The following DIP2B variants were observed in gnomAD, a reference collection of about 807,000 sequenced individuals.
The protein encoded by DIP2B is disco-interacting protein 2 homolog B.
Under a neutral mutation model 198.0 loss-of-function variants are expected in DIP2B, and 76 were observed. That is an observed-to-expected ratio of 0.38 (90% CI 0.32 to 0.46). The LOEUF (loss-of-function observed/expected upper bound fraction) is 0.46, where lower values mean the gene tolerates loss of function less well. Ranked by LOEUF, DIP2B falls within the 20% of genes least tolerant of loss-of-function variation. The pLI is 0.99. For synonymous variants in DIP2B, 701 were observed against 739.1 expected (o/e 0.95, Z 0.84); for missense variants, 1,559 against 1,978.4 (o/e 0.79, Z 4.02).
chr12:50,552,371 A>C (rs1958434092), intron 1 of DIP2B, among the ~76,000 whole-genome samples: 1 of 149,444 alleles, frequency 6.7e-6, no homozygotes, highest in Admixed American at 6.7e-5. Flanking sequence ...GGTTCATGCC[A>C]TTCTCCTGCC....
intron 1 of DIP2B, among the ~76,000 whole-genome samples, chr12:50,566,689 G>T (rs1265030003): frequency 6.6e-6 from 1 of 152,020 alleles, no homozygotes; most frequent in Non-Finnish European, 1.5e-5. Flanking sequence ...GAATCATATG[G>T]CTGGGCGCAG....
intron 1 of DIP2B, among the ~76,000 whole-genome samples, chr12:50,514,065 CTTTTTTTT>C (rs71083583): frequency 8.4e-6 from 1 of 118,814 alleles, no homozygotes; most frequent in Non-Finnish European, 1.8e-5. Flanking sequence ...ACTCAGTTGT[CTTTTTTTT>C]TTTTTTTTTG....
Position 50,735,833 on chromosome 12 carries a change from AG to A in DIP2B, c.4101+706del, listed in dbSNP as rs777334519. ...CGAGATGGGAGTGTGGTTTAAGGTC[AG>A]GGAAGACACACATGCATTTAAAGTT... On this transcript the variant is annotated intron_variant, in intron 34 of 37. Transcript: ENST00000301180. Among the ~76,000 whole-genome samples the A allele has an allele frequency of 9.8e-5, 15 of 152,348 alleles. No homozygotes were observed. The East Asian group carries it at 2.7e-3, about 27-fold the overall frequency.
At chr12:50,710,889 A>C (rs972117733) in intron 22 of DIP2B, among the ~76,000 whole-genome samples, 1 of 152,212 alleles carries the variant, frequency 6.6e-6, no homozygotes, top group African/African-American at 2.4e-5. Context: ...CAGATCTCTG[A>C]AAGATGGCTA....
intron 1 of DIP2B, among the ~76,000 whole-genome samples, chr12:50,535,949 T>G (rs1214786444): frequency 6.8e-6 from 1 of 147,526 alleles, no homozygotes; most frequent in Admixed American, 6.8e-5. Context: ...ATATGGGGTG[T>G]TTGGTTTTTT....
intron 1 of DIP2B, among the ~76,000 whole-genome samples, chr12:50,541,359 G>A (rs1958323867): frequency 6.7e-6 from 1 of 149,934 alleles, no homozygotes; most frequent in Admixed American, 6.6e-5. Flanking sequence ...ATAGGATAAA[G>A]GAGACCTATC....
Position 50,698,361 on chromosome 12 carries a change from A to G in DIP2B, c.2082A>G (p.Arg694=). Residue 694 remains arginine, a synonymous_variant, in exon 18 of 38, where the codon AGA becomes AGG. Transcript: ENST00000301180. Reference sequence around the variant, plus strand: ...TTCCAGGAGCCCCTTTGCCAGGAAGAGCCATTCTCTCAATGAATGGATTGA... The same window carrying G: ...TTCCAGGAGCCCCTTTGCCAGGAAGGGCCATTCTCTCAATGAATGGATTGA... ...PGVPGAPLPG[R]AILSMNGLSY... 2 of 1,613,650 alleles carry G rather than the reference A, an allele frequency of 1.2e-6. No homozygotes were observed. Among genetic ancestry groups the G allele is most frequent in the South Asian group, 2.2e-5 (2 of 90,960 alleles).
At chr12:50,569,823 T>A (rs1265220465) in intron 1 of DIP2B, among the ~76,000 whole-genome samples, 5 of 152,218 alleles carry the variant, frequency 3.3e-5, no homozygotes, top group Non-Finnish European at 7.3e-5. Context: ...TTATAATTTT[T>A]AAGAGATACA....
At chr12:50,546,685 AG>A (rs1325058287) in intron 1 of DIP2B, among the ~76,000 whole-genome samples, 1 of 152,232 alleles carries the variant, frequency 6.6e-6, no homozygotes, top group Non-Finnish European at 1.5e-5. Context: ...GATAGATAAT[AG>A]GTGCCCAGTA....
intron 2 of DIP2B, among the ~76,000 whole-genome samples, chr12:50,628,592 ACTCT>A (rs913587878): frequency 3.3e-5 from 5 of 151,542 alleles, no homozygotes; most frequent in Admixed American, 2.6e-4. Context: ...TCGTACAGTC[ACTCT>A]CTCAGCCATA....
chr12:50,697,574 CTT>C (rs1232442542), intron 17 of DIP2B, among the ~76,000 whole-genome samples: 2 of 77,782 alleles, frequency 2.6e-5, no homozygotes, highest in African/African-American at 1.0e-4. Flanking sequence ...TAGGATCTCT[CTT>C]TGTCACCCAG....
In DIP2B at chr12:50,671,232, T is replaced by C. The variant is rs1459400838; in HGVS notation, c.474T>C (p.Ala158=). The change falls in exon 5 of 38, where the codon GCT becomes GCC. Residue 158 remains alanine (A), a synonymous_variant. Coordinates refer to ENST00000301180, the MANE Select transcript of DIP2B (RefSeq NM_173602.3). ...SEDEGSLRRQ[A]ALSAALQQSL... ...ATGAGGGCTCTCTGAGACGCCAAGC[T>C]GCGCTCTCTGCTGCCTTGCAACAGA... is the stretch of plus-strand genomic sequence containing the variant. The C allele has an allele frequency of 1.9e-6, 3 of 1,614,222 alleles. No homozygotes were observed. Among genetic ancestry groups the C allele is most frequent in the Admixed American group, 3.3e-5 (2 of 60,020 alleles).
At chr12:50,521,724 G>A (rs1958121844) in intron 1 of DIP2B, among the ~76,000 whole-genome samples, 1 of 151,452 alleles carries the variant, frequency 6.6e-6, no homozygotes, top group Non-Finnish European at 1.5e-5. Flanking sequence ...TTGAACTCCT[G>A]ACCTCAAGTG....
chr12:50,593,903 TCCC>T, intron 1 of DIP2B, among the ~76,000 whole-genome samples: 1 of 62,304 alleles, frequency 1.6e-5, no homozygotes, highest in Non-Finnish European at 2.9e-5. Context: ...TCCCCTCTCC[TCCC>T]CTCCCCTCTC....
At chr12:50,612,771 A>T (rs559315307) in intron 1 of DIP2B, among the ~76,000 whole-genome samples, 40 of 152,302 alleles carry the variant, frequency 2.6e-4, no homozygotes, top group South Asian at 2.1e-4. Flanking sequence ...TTAGGCTGAT[A>T]ATACTGCACA....
At chr12:50,593,247 C>CTGT (rs1958834836) in intron 1 of DIP2B, among the ~76,000 whole-genome samples, 1 of 152,154 alleles carries the variant, frequency 6.6e-6, no homozygotes, top group Non-Finnish European at 1.5e-5. Flanking sequence ...TGGCTCACGC[C>CTGT]TGTAATCCCA....
At chr12:50,636,398 G>A (rs1938160489) in intron 2 of DIP2B, among the ~76,000 whole-genome samples, 1 of 152,156 alleles carries the variant, frequency 6.6e-6, no homozygotes, top group Non-Finnish European at 1.5e-5. Context: ...GTTTGGTTTG[G>A]ATGGTATTGG....
intron 4 of DIP2B, 40 bp from the exon 5 acceptor site, chr12:50,671,146 A>AG: frequency 1.3e-6 from 2 of 1,597,682 alleles, no homozygotes; most frequent in African/African-American, 2.7e-5. Context: ...TCTCTGTTCT[A>AG]GGTAGGATCG....
At chr12:50,631,897 G>A (rs1390367614) in intron 2 of DIP2B, among the ~76,000 whole-genome samples, 1 of 151,760 alleles carries the variant, frequency 6.6e-6, no homozygotes, top group Non-Finnish European at 1.5e-5. Flanking sequence ...GGTAATTTAT[G>A]TTATATACAT....
Sources: gnomAD v4.1 joint callset for allele counts (sites outside exome capture counted in the v4.1 genomes callset) on GRCh38, gnomAD v4.1.1 for gene constraint, MANE v1.5 for transcripts, NCBI Gene and HGNC (gene_info 2026-07-23, HGNC 2026-07-21) for gene names.